Variants in AOAH observed in about 807,000 individuals in gnomAD.
AOAH encodes acyloxyacyl hydrolase.
A neutral mutation model predicts 92.2 loss-of-function variants in AOAH; 64 were observed. The observed-to-expected ratio is 0.69, with a 90% CI of 0.57 to 0.86. The LOEUF (loss-of-function observed/expected upper bound fraction) is 0.86, where lower values mean the gene tolerates loss of function less well. AOAH is among the 40% of genes least tolerant of loss of function. AOAH has a pLI of 0.00. For synonymous variants in AOAH, 263 were observed against 254.5 expected (o/e 1.03, Z -0.32); for missense variants, 656 against 694.6 (o/e 0.94, Z 0.62).
Position 36,633,088 on chromosome 7 carries a change from C to G in AOAH, c.451-982G>C, listed in dbSNP as rs566518295. On this transcript the variant is annotated intron_variant, in intron 5 of 20. Transcript: ENST00000617537. Reference sequence around the variant, plus strand: ...GAGGCCAAGGCACTAGCACGTGTCTCTAGGAACCTGGAGGAGAATGCAGAT... The same window carrying G: ...GAGGCCAAGGCACTAGCACGTGTCTGTAGGAACCTGGAGGAGAATGCAGAT... Among the ~76,000 whole-genome samples, 6 of 152,292 alleles carry G rather than the reference C, an allele frequency of 3.9e-5. No homozygotes were observed. The East Asian group carries it at 1.2e-3, about 29-fold the overall frequency.
At chr7:36,575,011 ATTT>A (rs10652764) in intron 13 of AOAH, among the ~76,000 whole-genome samples, 1 of 150,108 alleles carries the variant, frequency 6.7e-6, no homozygotes, top group African/African-American at 2.5e-5. Flanking sequence ...CTCACAGATG[ATTT>A]TTTTTTTGTG....
chr7:36,546,291 T>C (rs1183833498), intron 15 of AOAH, among the ~76,000 whole-genome samples: 1 of 152,254 alleles, frequency 6.6e-6, no homozygotes, highest in African/African-American at 2.4e-5. Flanking sequence ...ACAAACTTAA[T>C]TATGTAACTC....
intron 1 of AOAH, among the ~76,000 whole-genome samples, chr7:36,713,037 A>G (rs939531865): frequency 8.0e-5 from 12 of 149,590 alleles, no homozygotes; most frequent in African/African-American, 2.9e-4. Flanking sequence ...ACAGACTGGC[A>G]AATTGGATAA....
chr7:36,681,069 G>A (rs929641572), intron 2 of AOAH, among the ~76,000 whole-genome samples: 18 of 152,234 alleles, frequency 1.2e-4, no homozygotes, highest in Non-Finnish European at 2.2e-4. Context: ...TTCGGACGAC[G>A]CAACTTTGCC....
intron 1 of AOAH, among the ~76,000 whole-genome samples, chr7:36,698,101 T>C (rs1458549809): frequency 6.6e-6 from 1 of 152,252 alleles, no homozygotes; most frequent in African/African-American, 2.4e-5. Context: ...TTTCTAATTA[T>C]GAATTCCATT....
chr7:36,719,508 C>T (rs1378734549), intron 1 of AOAH, among the ~76,000 whole-genome samples: 1 of 152,116 alleles, frequency 6.6e-6, no homozygotes, highest in Non-Finnish European at 1.5e-5. Flanking sequence ...GAACTTCTTC[C>T]ATGTGTTGGG....
chr7:36,606,691 A>ATCTT (rs1791026527), intron 11 of AOAH, among the ~76,000 whole-genome samples: 1 of 152,140 alleles, frequency 6.6e-6, no homozygotes. Context: ...GGCCTCAATG[A>ATCTT]TCTTTCCACC....
chr7:36,535,462 A>T (rs1055239768), intron 16 of AOAH, among the ~76,000 whole-genome samples: 1 of 152,218 alleles, frequency 6.6e-6, no homozygotes, highest in Non-Finnish European at 1.5e-5. Flanking sequence ...ACGGAGGGAA[A>T]GTGCGTGATA....
intron 12 of AOAH, among the ~76,000 whole-genome samples, chr7:36,584,960 A>C (rs544263053): frequency 6.6e-6 from 1 of 152,318 alleles, no homozygotes; most frequent in Non-Finnish European, 1.5e-5. Context: ...AGAGGGCTAC[A>C]AAATGAAGTC....
chr7:36,513,003 G>C lies in AOAH; in HGVS notation c.*249C>G. On this transcript the variant is annotated 3_prime_UTR_variant, in exon 21 of 21. Coordinates refer to ENST00000617537, the MANE Select transcript of AOAH (RefSeq NM_001637.4). ...AAGGGCACAGATACTCTCTTGTTTG[G>C]AATGGCACCCAAAGCACTTTATGAA... 1 of 1,499,996 alleles carries C rather than the reference G, an allele frequency of 6.7e-7. No homozygotes were observed. The highest frequency in any genetic ancestry group is 9.0e-7 in the Non-Finnish European group (1 of 1,117,014). The allele number at this position is 1,499,996 out of a possible 1,614,324, so 92.9% of individuals were successfully genotyped here. A position where few individuals can be genotyped will look rare whatever the true frequency, so the allele number is the denominator to read the frequency against.
intron 1 of AOAH, among the ~76,000 whole-genome samples, chr7:36,699,484 G>A (rs561919611): frequency 5.3e-5 from 8 of 152,018 alleles, no homozygotes; most frequent in Non-Finnish European, 1.0e-4. Context: ...TTTTTAACTG[G>A]GGGTGAGATC....
intron 1 of AOAH, among the ~76,000 whole-genome samples, chr7:36,715,500 A>C (rs1325932084): frequency 6.6e-6 from 1 of 151,132 alleles, no homozygotes; most frequent in Non-Finnish European, 1.5e-5. Flanking sequence ...GAACCAAAAA[A>C]GAGCCTGCAT....
At chr7:36,687,796 G>A (rs1183455841) in intron 1 of AOAH, among the ~76,000 whole-genome samples, 1 of 152,172 alleles carries the variant, frequency 6.6e-6, no homozygotes, top group African/African-American at 2.4e-5. Flanking sequence ...CATACGTGGT[G>A]TCATTTAAAC....
intron 3 of AOAH, chr7:36,661,416 A>G (rs1321854663): frequency 6.6e-6 from 1 of 152,210 alleles, no homozygotes; most frequent in Non-Finnish European, 1.5e-5. Context: ...GAGGACGTGC[A>G]GTGAGGAAGC....
chr7:36,659,125 A>G (rs987284574), intron 4 of AOAH, 41 bp downstream of exon 4: 1 of 1,519,906 alleles, frequency 6.6e-7, no homozygotes, highest in Non-Finnish European at 9.1e-7. Context: ...AAAGCCTTGC[A>G]TGTCCCTGGA....
At chr7:36,513,952 A>G (rs140061459) in intron 20 of AOAH, among the ~76,000 whole-genome samples, 1 of 152,368 alleles carries the variant, frequency 6.6e-6, no homozygotes, top group East Asian at 1.9e-4. Flanking sequence ...GTAATAGATT[A>G]AAAATTCACT....
At chr7:36,581,920 T>C (rs574358048) in intron 12 of AOAH, among the ~76,000 whole-genome samples, 7 of 152,302 alleles carry the variant, frequency 4.6e-5, no homozygotes, top group African/African-American at 1.7e-4. Flanking sequence ...CTCTCTTATA[T>C]ATTTTAGGAA....
chr7:36,721,679 G>C (rs1799638032), intron 1 of AOAH, among the ~76,000 whole-genome samples: 2 of 152,204 alleles, frequency 1.3e-5, no homozygotes, highest in South Asian at 2.1e-4. Context: ...ATCAGCAACA[G>C]AGTCTCCAAG....
intron 19 of AOAH, among the ~76,000 whole-genome samples, chr7:36,522,580 T>TTA (rs1197669856): frequency 6.6e-6 from 1 of 152,168 alleles, no homozygotes; most frequent in Non-Finnish European, 1.5e-5. Flanking sequence ...TTACATAAAA[T>TTA]TATCTCATCG....
Sources: allele counts gnomAD v4.1 joint callset (sites outside exome capture counted in the v4.1 genomes callset), GRCh38; gene constraint gnomAD v4.1.1; transcripts MANE v1.5; gene names NCBI Gene and HGNC (gene_info 2026-07-23, HGNC 2026-07-21).